The following HLCS variants were observed in gnomAD, a reference collection of about 807,000 sequenced individuals.
HLCS encodes the protein biotin--protein ligase.
In HLCS, 53 loss-of-function variants were observed where a neutral mutation model predicts 75.0. The ratio of observed to expected loss-of-function variants is 0.71; its 90% CI spans 0.57 to 0.89. The LOEUF is 0.89. HLCS is among the 40% of genes least tolerant of loss of function. HLCS has a pLI of 0.00. For synonymous variants in HLCS, 431 were observed against 428.6 expected (o/e 1.01, Z -0.07); for missense variants, 966 against 1,074.0 (o/e 0.90, Z 1.41).
intron 6 of HLCS, among the ~76,000 whole-genome samples, chr21:36,806,590 C>T (rs1205566997): frequency 6.6e-6 from 1 of 152,104 alleles, no homozygotes; most frequent in Non-Finnish European, 1.5e-5. Context: ...GCAGAAAAGG[C>T]ATTTGGTGCC....
At chr21:36,978,942 C>T (rs549297510) in intron 1 of HLCS, among the ~76,000 whole-genome samples, 2 of 151,724 alleles carry the variant, frequency 1.3e-5, no homozygotes, top group African/African-American at 2.4e-5. Context: ...CTGAGACTTC[C>T]GTACTCAGGG....
chr21:36,798,031 T>C (rs1601297181), intron 6 of HLCS, among the ~76,000 whole-genome samples: 2 of 152,298 alleles, frequency 1.3e-5, no homozygotes, highest in Non-Finnish European at 1.5e-5. Flanking sequence ...CCCTCTCTGA[T>C]AAGCTAACAC....
At chr21:36,983,549 T>C (rs1488986298) in intron 1 of HLCS, among the ~76,000 whole-genome samples, 1 of 151,776 alleles carries the variant, frequency 6.6e-6, no homozygotes, top group East Asian at 2.0e-4. Flanking sequence ...ATAAAAATGA[T>C]TTTTTTGGCC....
intron 6 of HLCS, among the ~76,000 whole-genome samples, chr21:36,856,987 C>T (rs1028180923): frequency 6.6e-6 from 1 of 152,200 alleles, no homozygotes; most frequent in African/African-American, 2.4e-5. Flanking sequence ...TGCATGGTCC[C>T]ACATTAACTG....
At chr21:36,979,579 C>T (rs750857223) in intron 1 of HLCS, among the ~76,000 whole-genome samples, 10 of 152,102 alleles carry the variant, frequency 6.6e-5, no homozygotes, top group Admixed American at 2.0e-4. Context: ...TTTATGCAAA[C>T]GACATGTTTA....
chr21:36,914,212 T>C (rs2065836212), intron 5 of HLCS, among the ~76,000 whole-genome samples: 1 of 152,196 alleles, frequency 6.6e-6, no homozygotes. Flanking sequence ...CTGGGTGGGC[T>C]TGCTGGTTAT....
At chr21:36,860,969 T>G (rs1483625311) in intron 6 of HLCS, among the ~76,000 whole-genome samples, 2 of 152,212 alleles carry the variant, frequency 1.3e-5, no homozygotes, top group African/African-American at 4.8e-5. Flanking sequence ...TGAAAATAAG[T>G]TAAACACATT....
rs186339131 is a variant in HLCS at position 36,896,792 on chromosome 21, A to G, written c.1892+68T>C. 613 of 1,552,182 alleles carry G rather than the reference A, an allele frequency of 3.9e-4. No individual in the cohort carries two copies. The African/African-American group carries it at 6.5e-3, about 16-fold the overall frequency. On this transcript the variant is annotated intron_variant, in intron 6 of 10. Coordinates refer to ENST00000674895, the MANE Select transcript of HLCS (RefSeq NM_001352514.2). ...CTACAACTCTATCCCCTCCCCGTCTATTGGTAAGAGAGGATGATCAATGGA... is the reference window on the plus strand; with the variant it reads ...CTACAACTCTATCCCCTCCCCGTCTGTTGGTAAGAGAGGATGATCAATGGA...
intron 1 of HLCS, chr21:36,974,244 T>G (rs979771840): frequency 3.3e-5 from 5 of 152,316 alleles, no homozygotes; most frequent in African/African-American, 1.2e-4. Context: ...GGAAAAATAC[T>G]GTAGCCGCTC....
At chr21:36,900,751 A>T (rs2065204886) in intron 5 of HLCS, among the ~76,000 whole-genome samples, 1 of 152,204 alleles carries the variant, frequency 6.6e-6, no homozygotes, top group Non-Finnish European at 1.5e-5. Flanking sequence ...AAAGGATAGG[A>T]TTCACAGTAG....
intron 5 of HLCS, among the ~76,000 whole-genome samples, chr21:36,912,096 A>T (rs976697258): frequency 6.6e-6 from 1 of 151,732 alleles, no homozygotes; most frequent in African/African-American, 2.4e-5. Context: ...AAAATTAAAC[A>T]GAGAATTAAT....
chr21:36,814,098 T>C (rs534929908), intron 6 of HLCS, among the ~76,000 whole-genome samples: 2 of 152,286 alleles, frequency 1.3e-5, no homozygotes, highest in East Asian at 1.9e-4. Context: ...AAGAATAGAA[T>C]AGAGTTTTCT....
chr21:36,775,348 C>T (rs545409313), intron 6 of HLCS, among the ~76,000 whole-genome samples: 1 of 152,228 alleles, frequency 6.6e-6, no homozygotes, highest in African/African-American at 2.4e-5. Context: ...TCTGTATTAT[C>T]CAATCAAAGT....
At chr21:36,841,698 A>G (rs1247194028) in intron 6 of HLCS, among the ~76,000 whole-genome samples, 2 of 152,212 alleles carry the variant, frequency 1.3e-5, no homozygotes, top group Non-Finnish European at 2.9e-5. Flanking sequence ...CTTGTGAACT[A>G]ATCTTGTGAA....
chr21:36,857,440 G>A (rs181362042), intron 6 of HLCS, among the ~76,000 whole-genome samples: 9 of 152,326 alleles, frequency 5.9e-5, no homozygotes, highest in Admixed American at 6.5e-5. Flanking sequence ...GTCCTATTCC[G>A]AAGAGGTTCA....
intron 6 of HLCS, among the ~76,000 whole-genome samples, chr21:36,888,403 C>A (rs1156285238): frequency 2.2e-5 from 3 of 137,368 alleles, no homozygotes; most frequent in Non-Finnish European, 1.5e-5. Flanking sequence ...CAGCTATTCT[C>A]CCCAATGCGA....
chr21:36,846,393 T>C (rs2062800645), intron 6 of HLCS, among the ~76,000 whole-genome samples: 1 of 152,224 alleles, frequency 6.6e-6, no homozygotes, highest in African/African-American at 2.4e-5. Flanking sequence ...CTGAGACCTT[T>C]GGGACCTCCA....
chr21:36,969,882 A>C (rs1300196954), upstream of HLCS, among the ~76,000 whole-genome samples: 1 of 152,020 alleles, frequency 6.6e-6, no homozygotes, highest in Non-Finnish European at 1.5e-5. Context: ...CAGACTAGGG[A>C]TTTAGAAGCA....
At position 36,937,448 on chromosome 21, in the gene HLCS, A is replaced by C. The variant is rs183998874; in HGVS notation, c.494-56T>G. On this transcript the variant is annotated intron_variant, in intron 3 of 10. Transcript: ENST00000674895. ...AATTAATCAACACTTCTTGTATGAC[A>C]CATAGCTCATCTCAAGAATCTCATC... is the stretch of plus-strand genomic sequence containing the variant. 7,223 of 1,405,546 alleles carry C rather than the reference A, an allele frequency of 5.1e-3. 31 individuals carry two copies. Among genetic ancestry groups the C allele is most frequent in the Non-Finnish European group, 5.8e-3 (5,775 of 996,692 alleles). 87.1% of individuals were successfully genotyped at this position (1,405,546 alleles called of 1,614,324 possible).
Sources: gnomAD v4.1 joint callset for allele counts (sites outside exome capture counted in the v4.1 genomes callset) on GRCh38, gnomAD v4.1.1 for gene constraint, MANE v1.5 for transcripts, NCBI Gene and HGNC (gene_info 2026-07-23, HGNC 2026-07-21) for gene names.